Variants in AOC1 observed in about 807,000 individuals in gnomAD.
AOC1 encodes the protein diamine oxidase [copper-containing].
AOC1 carries 58 observed loss-of-function variants against 57.1 expected under a neutral mutation model. The ratio of observed to expected loss-of-function variants is 1.02; its 90% CI spans 0.82 to 1.26. AOC1 has a LOEUF of 1.26. Ranked by LOEUF, AOC1 falls within the 50% of genes most tolerant of loss-of-function variation. The probability of loss-of-function intolerance (pLI) is 0.00; values close to 1 mark genes in which losing one functional copy is unlikely to be tolerated. For synonymous variants in AOC1, 401 were observed against 423.4 expected, an observed-to-expected ratio of 0.95 and a Z score of 0.65; for missense variants, 917 against 1,005.3, an observed-to-expected ratio of 0.91 and a Z score of 1.19.
intron 1 of AOC1, among the ~76,000 whole-genome samples, chr7:150,855,743 CAAG>C (rs1563089563): frequency 6.6e-6 from 1 of 152,230 alleles, no homozygotes; most frequent in Non-Finnish European, 1.5e-5. Flanking sequence ...CTGTATTTAA[CAAG>C]AAGAGCAGCT....
rs35929142 is a variant in AOC1, at chr7:150,857,432, G to T, written c.962G>T (p.Gly321Val). 6.2e-7 allele frequency: 1 copy of T among 1,611,188 alleles called. No individual in the cohort carries two copies. Among genetic ancestry groups the T allele is most frequent in the African/African-American group, 1.3e-5 (1 of 75,044 alleles). ...GAGGGCAACGCTGTGCTCTACGGCG[G>T]CTGGAGCTTTGCCTTCCGGCTGCGC... is the stretch of plus-strand genomic sequence containing the variant. ...RLEGNAVLYG[G>V]WSFAFRLRSS... is the part of the protein sequence containing the mutation. The change falls in exon 2 of 5, where the codon GGC becomes GTC. Residue 321 changes from glycine to valine, a missense_variant. Coordinates refer to ENST00000360937, the MANE Select transcript of AOC1 (RefSeq NM_001091.4). The surrounding 1 kb of genome is among the most constrained non-coding windows in gnomAD (Gnocchi z 6.6).
intron 2 of AOC1, 27 bp from the exon 3 acceptor site, chr7:150,858,736 G>C (rs374759604): frequency 1.9e-5 from 29 of 1,567,312 alleles, no homozygotes; most frequent in Non-Finnish European, 2.4e-5. Context: ...CTTGATTCTC[G>C]TTCTCCTTCT....
intron 4 of AOC1, 98 bp downstream of exon 4, chr7:150,860,731 T>C: frequency 6.8e-7 from 1 of 1,475,694 alleles, no homozygotes; most frequent in Non-Finnish European, 9.3e-7. Flanking sequence ...CCAACCACCC[T>C]TTGCCCAGAT....
At chr7:150,859,357 T>C (rs1799895650) in intron 3 of AOC1, among the ~76,000 whole-genome samples, 1 of 152,140 alleles carries the variant, frequency 6.6e-6, no homozygotes, top group Non-Finnish European at 1.5e-5. Flanking sequence ...AGGTTCTGTG[T>C]GTCAGATACT....
At chr7:150,853,517 A>G (rs1799678928) in intron 1 of AOC1, among the ~76,000 whole-genome samples, 1 of 151,790 alleles carries the variant, frequency 6.6e-6, no homozygotes, top group East Asian at 1.9e-4. Context: ...TATAAAGTCT[A>G]TTAAGAAATC....
intron 3 of AOC1, among the ~76,000 whole-genome samples, chr7:150,859,501 A>G (rs568631479): frequency 8.6e-4 from 130 of 151,958 alleles, no homozygotes; most frequent in African/African-American, 2.9e-3. Context: ...CAGGAGATCA[A>G]GACCATCCTG....
chr7:150,860,541 T>G lies in AOC1; in HGVS notation c.1897T>G (p.Cys633Gly). The stretch of plus-strand genomic sequence containing the variant: ...GACCAAGTACCGGGAGTCGGAGCTG[T>G]GCAGCAGCAGCATCTACCACCAGAA... ...AVTKYRESEL[C>G]SSSIYHQNDP... The change falls in exon 4 of 5, where the codon TGC (cysteine) becomes GGC (glycine). Residue 633 changes from cysteine (C) to glycine (G), a missense_variant. Transcript: ENST00000360937. 1 of 1,614,008 alleles carries G rather than the reference T, an allele frequency of 6.2e-7. No homozygotes were observed. Among genetic ancestry groups the G allele is most frequent in the Non-Finnish European group, 8.5e-7 (1 of 1,179,926 alleles).
chr7:150,859,191 T>G, intron 3 of AOC1, 143 bp downstream of exon 3: 1 of 1,018,750 alleles, frequency 9.8e-7, no homozygotes, highest in Non-Finnish European at 1.3e-6. Context: ...TGTGTACAAT[T>G]GACCCTGAAC....
chr7:150,856,830 AG>A lies in AOC1; in HGVS notation c.363del (p.Cys123AlafsTer85). 6.2e-7 allele frequency: 1 copy of A among 1,614,052 alleles called. No individual in the cohort carries two copies. Among genetic ancestry groups the A allele is most frequent in the Non-Finnish European group, 8.5e-7 (1 of 1,179,962 alleles). On this transcript the variant is annotated frameshift_variant, in exon 2 of 5. Coordinates refer to ENST00000360937, the MANE Select transcript of AOC1 (RefSeq NM_001091.4). LOFTEE classifies it high-confidence loss of function. The surrounding 1 kb of genome is among the most constrained non-coding windows in gnomAD (Gnocchi z 5.2). ...CCGAGTTTGCTGTGGGGCCCCTGCC[AG>A]GGCCCTGCTACATGCGAGCACTGTC... is the stretch of plus-strand genomic sequence containing the variant. ...VTEFAVGPLP[G>X]PCYMRALSPR...
chr7:150,860,607 C>T lies in AOC1; in HGVS notation c.1963C>T (p.His655Tyr). Reference protein sequence around the residue: ...HPPVVFEQFLHNNENIENEDL... With the variant: ...HPPVVFEQFLYNNENIENEDL... ...GCCCGTGGTCTTTGAGCAGTTTCTT[C>T]ACAACAACGAGAACATTGAAAATGA... Residue 655 changes from histidine (H) to tyrosine (Y), a missense_variant, in exon 4 of 5, where the codon CAC (histidine) becomes TAC (tyrosine). Transcript: ENST00000360937. 6.2e-7 allele frequency: 1 copy of T among 1,614,040 alleles called. No homozygotes were observed. Among genetic ancestry groups the T allele is most frequent in the Non-Finnish European group, 8.5e-7 (1 of 1,179,928 alleles).
chr7:150,854,380 G>A (rs1429234574), intron 1 of AOC1, among the ~76,000 whole-genome samples: 1 of 152,216 alleles, frequency 6.6e-6, no homozygotes, highest in Non-Finnish European at 1.5e-5. Flanking sequence ...GGGCTAGAGA[G>A]CCCTCGGGTG....
chr7:150,858,676 G>A, intron 2 of AOC1, 87 bp from the exon 3 acceptor site: 4 of 1,392,196 alleles, frequency 2.9e-6, no homozygotes, highest in East Asian at 2.3e-5. Flanking sequence ...GTTGGATGTG[G>A]TGGAGGATGG....
chr7:150,860,934 C>G lies in AOC1; in HGVS notation c.1990-9C>G. On this transcript the variant is annotated splice_polypyrimidine_tract_variant and intron_variant, in intron 4 of 4. Coordinates refer to ENST00000360937, the MANE Select transcript of AOC1 (RefSeq NM_001091.4). ...CCCTGCCCACTGAAGCCCACCCTGT[C>G]TCCTGCAGGACCTGGTGGCCTGGGT... 1 of 1,608,696 alleles carries G rather than the reference C, an allele frequency of 6.2e-7. No individual in the cohort carries two copies. Among genetic ancestry groups the G allele is most frequent in the Non-Finnish European group, 8.5e-7 (1 of 1,178,226 alleles).
At chr7:150,860,269 T>C (rs1799927566) in intron 3 of AOC1, among the ~76,000 whole-genome samples, 1 of 138,622 alleles carries the variant, frequency 7.2e-6, no homozygotes, top group African/African-American at 2.6e-5. Flanking sequence ...GGTTGCCTGC[T>C]GTTCTGGGCC....
chr7:150,853,261 G>C (rs751439587), intron 1 of AOC1, among the ~76,000 whole-genome samples: 10 of 152,152 alleles, frequency 6.6e-5, no homozygotes, highest in Non-Finnish European at 1.3e-4. Flanking sequence ...TAAACTGTGG[G>C]CTCTGGGTGA....
At chr7:150,855,013 G>A (rs548075713) in intron 1 of AOC1, among the ~76,000 whole-genome samples, 22 of 144,308 alleles carry the variant, frequency 1.5e-4, no homozygotes, top group African/African-American at 5.3e-4. Flanking sequence ...CTGATTTAGG[G>A]AGCAAAAGGC....
intron 1 of AOC1, among the ~76,000 whole-genome samples, chr7:150,855,411 C>T (rs1799742296): frequency 6.6e-6 from 1 of 152,190 alleles, no homozygotes; most frequent in Non-Finnish European, 1.5e-5. Context: ...GAAGACAGAG[C>T]TGTGGCCACC....
At chr7:150,855,286 G>A (rs1371267661) in intron 1 of AOC1, among the ~76,000 whole-genome samples, 2 of 152,180 alleles carry the variant, frequency 1.3e-5, no homozygotes, top group African/African-American at 4.8e-5. Context: ...CACCTAGGAG[G>A]ACAAGTTAGG....
rs1419845515 is a variant in AOC1 at position 150,856,813 on chromosome 7, G to C, written c.343G>C (p.Ala115Pro). Residue 115 changes from alanine (A) to proline (P), a missense_variant, in exon 2 of 5, where the codon GCT (alanine) becomes CCT (proline). By Grantham distance (27) the Ala-to-Pro change is conservative. Transcript: ENST00000360937. This position sits in a 1 kb window ranked among gnomAD's most constrained non-coding sequence, Gnocchi z 5.2. ...GGAGCATCCCAATGTCACCGAGTTTGCTGTGGGGCCCCTGCCAGGGCCCTG... is the reference window on the plus strand; with the variant it reads ...GGAGCATCCCAATGTCACCGAGTTTCCTGTGGGGCCCCTGCCAGGGCCCTG... The part of the protein sequence containing the change: ...DQEHPNVTEF[A>P]VGPLPGPCYM... 3 of 1,614,084 alleles carry C rather than the reference G, an allele frequency of 1.9e-6. No individual in the cohort carries two copies. Among genetic ancestry groups the C allele is most frequent in the Non-Finnish European group, 2.5e-6 (3 of 1,179,976 alleles).
Sources: gnomAD v4.1 joint callset for allele counts (sites outside exome capture counted in the v4.1 genomes callset) on GRCh38, gnomAD v4.1.1 for gene constraint, Gnocchi (gnomAD v3.1) non-coding constraint, MANE v1.5 for transcripts, NCBI Gene and HGNC (gene_info 2026-07-23, HGNC 2026-07-21) for gene names.